Variants in LDLRAD4 observed in about 807,000 individuals in gnomAD.
The protein encoded by LDLRAD4 is low-density lipoprotein receptor class A domain-containing protein 4.
Under a neutral mutation model 17.0 loss-of-function variants are expected in LDLRAD4, and 5 were observed. That is an observed-to-expected ratio of 0.29 (90% confidence interval 0.15 to 0.62). LDLRAD4 has a LOEUF of 0.62. LDLRAD4 is among the 20% of genes least tolerant of loss of function. LDLRAD4 has a pLI of 0.84. For synonymous variants in LDLRAD4, 168 were observed against 171.8 expected (o/e 0.98, Z 0.17); for missense variants, 340 against 424.7 (o/e 0.80, Z 1.75).
intron 1 of LDLRAD4, among the ~76,000 whole-genome samples, chr18:13,314,692 A>G (rs1441745507): frequency 6.6e-6 from 1 of 152,226 alleles, no homozygotes; most frequent in Non-Finnish European, 1.5e-5. Context: ...AACTAGGACC[A>G]TGCATGGAGC....
chr18:13,516,275 C>A (rs2093865284), intron 3 of LDLRAD4, among the ~76,000 whole-genome samples: 1 of 152,192 alleles, frequency 6.6e-6, no homozygotes, highest in African/African-American at 2.4e-5. Flanking sequence ...GTGACAGTAA[C>A]AAACTTCGAA....
intron 3 of LDLRAD4, among the ~76,000 whole-genome samples, chr18:13,619,509 TGGGGCCGGGG>T (rs2040397875): frequency 1.6e-4 from 1 of 6,226 alleles, no homozygotes; most frequent in Admixed American, 2.1e-3. Flanking sequence ...GGTGGGGGGG[TGGGGCCGGGG>T]GGGGGCGGGG....
intron 3 of LDLRAD4, among the ~76,000 whole-genome samples, chr18:13,595,759 C>T (rs2095087820): frequency 6.6e-6 from 1 of 152,090 alleles, no homozygotes; most frequent in Non-Finnish European, 1.5e-5. Flanking sequence ...GTATTTTAAT[C>T]ATAGGGTATA....
At chr18:13,389,495 T>C (rs2086101106) in intron 2 of LDLRAD4, among the ~76,000 whole-genome samples, 2 of 151,974 alleles carry the variant, frequency 1.3e-5, no homozygotes. Flanking sequence ...ACCTAGGATT[T>C]GATGTAAAGA....
chr18:13,490,292 G>A (rs971884726), intron 3 of LDLRAD4: 5 of 152,228 alleles, frequency 3.3e-5, no homozygotes, highest in African/African-American at 1.2e-4. Flanking sequence ...AACATTTTAA[G>A]TGACAATATG....
At chr18:13,485,758 A>C (rs1002623365) in intron 3 of LDLRAD4, among the ~76,000 whole-genome samples, 1 of 152,204 alleles carries the variant, frequency 6.6e-6, no homozygotes, top group Non-Finnish European at 1.5e-5. Context: ...TCACGCCTGG[A>C]ATCCCAGCGA....
At chr18:13,410,789 TG>T (rs1211525622) in intron 2 of LDLRAD4, among the ~76,000 whole-genome samples, 1 of 152,218 alleles carries the variant, frequency 6.6e-6, no homozygotes, top group African/African-American at 2.4e-5. Flanking sequence ...AAGCTCTGTT[TG>T]TAAAAGGCTA....
rs551205720 is a variant in LDLRAD4 at position 13,609,743 on chromosome 18, C to T, written c.182-11374C>T. 7.9e-5 allele frequency among the ~76,000 whole-genome samples: 12 copies of T among 152,294 alleles called. No homozygotes were observed. The East Asian group carries it at 2.1e-3, about 27-fold the overall frequency. ...ATCCCAGAACTCTGAGAAGCCGAAG[C>T]TGGTGGGTCGCTTGAAGTCAGGAGT... On this transcript the variant is annotated intron_variant, in intron 3 of 5. Coordinates refer to ENST00000359446, the Ensembl canonical transcript of LDLRAD4.
At chr18:13,606,351 C>G (rs1785158) in intron 3 of LDLRAD4, among the ~76,000 whole-genome samples, 65,658 of 152,016 alleles carry the variant, frequency 0.43, 14,172 homozygotes, top group Non-Finnish European at 0.45. Context: ...TAATGTGTAA[C>G]ATAAACTCAA....
intron 3 of LDLRAD4, among the ~76,000 whole-genome samples, chr18:13,574,418 C>T (rs1018785956): frequency 6.6e-6 from 1 of 152,156 alleles, no homozygotes; most frequent in African/African-American, 2.4e-5. Flanking sequence ...TGTGGTAGTT[C>T]ATCCACCTGG....
chr18:13,252,970 T>C (rs1007916406), intron 1 of LDLRAD4, among the ~76,000 whole-genome samples: 3 of 152,324 alleles, frequency 2.0e-5, no homozygotes, highest in South Asian at 2.1e-4. Context: ...TGTGAGCAGA[T>C]GGCATGAGAC....
intron 4 of LDLRAD4, among the ~76,000 whole-genome samples, chr18:13,628,338 G>A (rs960273456): frequency 8.5e-5 from 13 of 152,186 alleles, no homozygotes; most frequent in African/African-American, 2.7e-4. Flanking sequence ...GGGATGAACC[G>A]CAGGGGACCG....
intron 2 of LDLRAD4, among the ~76,000 whole-genome samples, chr18:13,396,132 A>G (rs564701220): frequency 2.6e-4 from 39 of 152,360 alleles, no homozygotes; most frequent in South Asian, 8.3e-4. Flanking sequence ...AACCAATAAT[A>G]GTCCGTATGG....
chr18:13,253,678 AT>A (rs573674329), intron 1 of LDLRAD4, among the ~76,000 whole-genome samples: 3 of 151,924 alleles, frequency 2.0e-5, no homozygotes, highest in African/African-American at 7.3e-5. Flanking sequence ...ATTCGGAATA[AT>A]TTTTTTTGAT....
chr18:13,633,671 T>G (rs2041859034), intron 4 of LDLRAD4, among the ~76,000 whole-genome samples: 1 of 152,208 alleles, frequency 6.6e-6, no homozygotes, highest in Non-Finnish European at 1.5e-5. Context: ...CAGCCTCAGC[T>G]TTGCTCCAAA....
intron 2 of LDLRAD4, among the ~76,000 whole-genome samples, chr18:13,425,007 T>A (rs2089812588): frequency 6.6e-6 from 1 of 152,224 alleles, no homozygotes; most frequent in South Asian, 2.1e-4. Flanking sequence ...CTTAATAGAA[T>A]AAACTTTCAT....
chr18:13,551,421 C>G (rs1236465073), intron 3 of LDLRAD4, among the ~76,000 whole-genome samples: 1 of 152,206 alleles, frequency 6.6e-6, no homozygotes, highest in African/African-American at 2.4e-5. Flanking sequence ...CTTGTTGACA[C>G]AGAGCAAAGA....
chr18:13,644,605 A>G (rs1003802376), intron 5 of LDLRAD4, among the ~76,000 whole-genome samples: 1 of 151,972 alleles, frequency 6.6e-6, no homozygotes, highest in Non-Finnish European at 1.5e-5. Context: ...TTAAATAAAA[A>G]TAAAAACTCG....
chr18:13,437,904 C>G (rs1052526338), intron 2 of LDLRAD4, among the ~76,000 whole-genome samples: 48 of 152,176 alleles, frequency 3.2e-4, no homozygotes, highest in African/African-American at 1.1e-3. Flanking sequence ...GTTTTCAAAC[C>G]GAATAATAGA....
Sources: gnomAD v4.1 joint callset for allele counts (sites outside exome capture counted in the v4.1 genomes callset) on GRCh38, gnomAD v4.1.1 for gene constraint, MANE v1.5 for transcripts, NCBI Gene and HGNC (gene_info 2026-07-23, HGNC 2026-07-21) for gene names.